The following NIBAN2 variants were observed in gnomAD, a reference collection of about 807,000 sequenced individuals.
NIBAN2 encodes protein Niban 2.
A neutral mutation model predicts 81.8 loss-of-function variants in NIBAN2; 36 were observed. That is an observed-to-expected ratio of 0.44 (90% confidence interval 0.34 to 0.58). NIBAN2 has a LOEUF of 0.58. Among genes scored for constraint, NIBAN2 ranks in the 20% least tolerant of loss-of-function variants. The pLI is 0.02. For synonymous variants in NIBAN2, 445 were observed against 441.6 expected (o/e 1.01, Z -0.10); for missense variants, 897 against 1,014.1 (o/e 0.88, Z 1.57).
chr9:127,572,949 A>G (rs1248137042), upstream of NIBAN2, among the ~76,000 whole-genome samples: 1 of 152,092 alleles, frequency 6.6e-6, no homozygotes, highest in East Asian at 1.9e-4. Flanking sequence ...TAGGAGGCCA[A>G]AGCAGGAAGA....
chr9:127,574,249 C>T (rs1837982524), intron 1 of NIBAN2, among the ~76,000 whole-genome samples: 1 of 152,104 alleles, frequency 6.6e-6, no homozygotes, highest in African/African-American at 2.4e-5. Context: ...TCTCCCTGCC[C>T]ACTTGCTGGG....
intron 5 of NIBAN2, among the ~76,000 whole-genome samples, chr9:127,519,192 A>C (rs978787614): frequency 4.0e-5 from 6 of 151,382 alleles, no homozygotes; most frequent in Non-Finnish European, 7.4e-5. Context: ...AAAAAAAAAA[A>C]AAAAAAAAGA....
chr9:127,545,472 G>A lies in NIBAN2; in HGVS notation c.56-13694C>T, dbSNP rs902299111. Among the ~76,000 whole-genome samples the A allele has an allele frequency of 2.6e-5, 4 of 152,204 alleles. No individual in the cohort carries two copies. The highest frequency in any genetic ancestry group is 9.6e-5 in the African/African-American group (4 of 41,452). Reference sequence around the variant, plus strand: ...AGTGTTAGGTCACCCAGCCTCAGGCGCCAAACAGGTCACCAGGGAGGCCAT... The same window carrying A: ...AGTGTTAGGTCACCCAGCCTCAGGCACCAAACAGGTCACCAGGGAGGCCAT... On this transcript the variant is annotated intron_variant, in intron 1 of 13. Coordinates refer to ENST00000373312, the MANE Select transcript of NIBAN2 (RefSeq NM_022833.4). The surrounding 1 kb of genome is among the most constrained non-coding windows in gnomAD (Gnocchi z 4.7).
At chr9:127,557,547 A>T (rs949360625) in intron 1 of NIBAN2, among the ~76,000 whole-genome samples, 78 of 152,210 alleles carry the variant, frequency 5.1e-4, no homozygotes, top group African/African-American at 1.9e-3. Context: ...GCCTCCAGGC[A>T]GGGCAAGCTG....
rs1163243069 is a variant in NIBAN2, at chr9:127,531,761, G to T, written c.73C>A (p.Leu25Met). 1 of 1,614,206 alleles carries T rather than the reference G, an allele frequency of 6.2e-7. No homozygotes were observed. Among genetic ancestry groups the T allele is most frequent in the Non-Finnish European group, 8.5e-7 (1 of 1,180,030 alleles). Residue 25 changes from leucine to methionine, a missense_variant, in exon 2 of 14, where the codon CTG becomes ATG. Physicochemically the swap from Leu to Met is conservative, Grantham distance 15. Transcript: ENST00000373312. ...QHIAEKTGKI[L>M]TEFLQFYEDQ... Reference sequence around the variant, plus strand: ...TCATAGAACTGGAGGAACTCCGTCAGGATCTTCCCGGTTTTTTCTGGAAGA... The same window carrying T: ...TCATAGAACTGGAGGAACTCCGTCATGATCTTCCCGGTTTTTTCTGGAAGA...
intron 1 of NIBAN2, among the ~76,000 whole-genome samples, chr9:127,542,155 C>G (rs532012886): frequency 3.2e-4 from 48 of 152,350 alleles, no homozygotes; most frequent in African/African-American, 1.1e-3. Context: ...CCTACTGCCT[C>G]TGGGATGGAA....
At chr9:127,516,797 T>C (rs536019487) in intron 8 of NIBAN2, 60 bp downstream of exon 8, 1 of 1,506,990 alleles carries the variant, frequency 6.6e-7, no homozygotes, top group Non-Finnish European at 9.0e-7. Context: ...AATCATGAAA[T>C]AAAAAGAAAG....
chr9:127,576,946 C>T (rs1348638097), intron 1 of NIBAN2, among the ~76,000 whole-genome samples: 3 of 151,728 alleles, frequency 2.0e-5, no homozygotes, highest in South Asian at 4.2e-4. Context: ...CTGCCTCGGC[C>T]TCCCAAAGTG....
intron 1 of NIBAN2, among the ~76,000 whole-genome samples, chr9:127,547,084 G>A (rs2132215587): frequency 6.6e-6 from 1 of 152,154 alleles, no homozygotes; most frequent in East Asian, 1.9e-4. Context: ...GCACGTCCTA[G>A]GTCAAGAAGG....
In NIBAN2 at chr9:127,508,345, C is replaced by T; in HGVS notation, c.1434+77G>A. The T allele has an allele frequency of 7.1e-7, 1 of 1,405,668 alleles. No individual in the cohort carries two copies. Among genetic ancestry groups the T allele is most frequent in the Non-Finnish European group, 1.0e-6 (1 of 1,001,596 alleles). 87.1% of individuals were successfully genotyped at this position (1,405,668 alleles called of 1,614,324 possible). ...GGCGCCTCCTTGCAGGGACAGCAAT[C>T]CTGGTGGTGGCCGGGGATGAGGCTC... On this transcript the variant is annotated intron_variant, in intron 11 of 13. Transcript: ENST00000373312. The surrounding 1 kb of genome is among the most constrained non-coding windows in gnomAD (Gnocchi z 6.4).
chr9:127,530,195 C>T (rs62585032), intron 2 of NIBAN2, among the ~76,000 whole-genome samples: 16 of 152,230 alleles, frequency 1.1e-4, no homozygotes, highest in Non-Finnish European at 1.6e-4. Context: ...GCCCCTCTGA[C>T]GCTCTGCTGC....
intron 5 of NIBAN2, among the ~76,000 whole-genome samples, chr9:127,523,319 A>G (rs1836997022): frequency 6.9e-6 from 1 of 145,602 alleles, no homozygotes; most frequent in Non-Finnish European, 1.5e-5. Flanking sequence ...CCCCTAAGAC[A>G]CACAAGGCAT....
chr9:127,532,707 C>T (rs951250575), intron 1 of NIBAN2, among the ~76,000 whole-genome samples: 2 of 151,916 alleles, frequency 1.3e-5, no homozygotes, highest in Non-Finnish European at 2.9e-5. Context: ...GACAGAGTCA[C>T]CTGTTGACTA....
intron 8 of NIBAN2, among the ~76,000 whole-genome samples, chr9:127,515,540 CAAACAAAAAAA>C (rs796421707): frequency 4.7e-5 from 2 of 42,982 alleles, no homozygotes; most frequent in Non-Finnish European, 1.0e-4. Flanking sequence ...AAAAAAAAAA[CAAACAAAAAAA>C]ACAGGCCAGG....
chr9:127,529,205 C>T (rs988617401), intron 2 of NIBAN2, among the ~76,000 whole-genome samples: 25 of 152,280 alleles, frequency 1.6e-4, no homozygotes, highest in Admixed American at 1.4e-3. Context: ...ACTCCTGTGT[C>T]GGCACCACCG....
chr9:127,559,394 T>C lies in NIBAN2; in HGVS notation c.55+9426A>G, dbSNP rs1277475825. On this transcript the variant is annotated intron_variant, in intron 1 of 13. Transcript: ENST00000373312. This position sits in a 1 kb window ranked among gnomAD's most constrained non-coding sequence, Gnocchi z 4.0. The stretch of plus-strand genomic sequence containing the variant: ...ATGCCCGTTGCACAGATAGGCAAAG[T>C]GAGGAGGAGGCACAGAGAAAAGGAA... Among the ~76,000 whole-genome samples, 3 of 152,052 alleles carry C rather than the reference T, an allele frequency of 2.0e-5. No individual in the cohort carries two copies. In the East Asian group the frequency reaches 5.8e-4, roughly 29 times the overall value.
At chr9:127,562,553 T>C (rs564104574) in intron 1 of NIBAN2, among the ~76,000 whole-genome samples, 3 of 152,286 alleles carry the variant, frequency 2.0e-5, no homozygotes, top group African/African-American at 7.2e-5. Context: ...CCAGAGGCCA[T>C]GGTCATCAGT....
chr9:127,548,688 T>G (rs1202601707), intron 1 of NIBAN2, among the ~76,000 whole-genome samples: 1 of 152,216 alleles, frequency 6.6e-6, no homozygotes, highest in Non-Finnish European at 1.5e-5. Flanking sequence ...GTTTCAACAT[T>G]AAGCTTCAGA....
chr9:127,578,842 G>A (rs1838040910), intron 1 of NIBAN2: 7 of 1,409,280 alleles, frequency 5.0e-6, no homozygotes, highest in Non-Finnish European at 7.0e-6. Flanking sequence ...GAGTGACAGA[G>A]CAAAACCTCC....
Sources: gnomAD v4.1 joint callset for allele counts (sites outside exome capture counted in the v4.1 genomes callset) on GRCh38, gnomAD v4.1.1 for gene constraint, Gnocchi (gnomAD v3.1) non-coding constraint, MANE v1.5 for transcripts, NCBI Gene and HGNC (gene_info 2026-07-23, HGNC 2026-07-21) for gene names.